The following HIPK2 variants were observed in gnomAD, a reference collection of about 807,000 sequenced individuals.
HIPK2 encodes the protein homeodomain interacting protein kinase 2, also known as homeodomain-interacting protein kinase 2.
HIPK2 carries 27 observed loss-of-function variants against 113.7 expected under a neutral mutation model. The ratio of observed to expected loss-of-function variants is 0.24; its 90% CI spans 0.17 to 0.33. The LOEUF (loss-of-function observed/expected upper bound fraction) is 0.33. Among genes scored for constraint, HIPK2 ranks in the 10% least tolerant of loss-of-function variants. The pLI, the probability that HIPK2 is intolerant of heterozygous loss-of-function variation, is 1.00. For missense variants in HIPK2, 1,257 were observed against 1,588.0 expected, an observed-to-expected ratio of 0.79 and a Z score of 3.54; for synonymous variants, 631 against 642.2, an observed-to-expected ratio of 0.98 and a Z score of 0.26.
intron 2 of HIPK2, among the ~76,000 whole-genome samples, chr7:139,705,615 G>A (rs1386442003): frequency 6.6e-6 from 1 of 152,034 alleles, no homozygotes; most frequent in African/African-American, 2.4e-5. Flanking sequence ...CTGACCTCGT[G>A]ATCCGCCCGC....
intron 13 of HIPK2, among the ~76,000 whole-genome samples, chr7:139,578,073 G>C (rs1798548325): frequency 6.6e-6 from 1 of 152,000 alleles, no homozygotes; most frequent in Non-Finnish European, 1.5e-5. Context: ...ACGGTGGCGT[G>C]ATCTCAGCTC....
intron 2 of HIPK2, among the ~76,000 whole-genome samples, chr7:139,636,000 C>T (rs565876799): frequency 1.3e-5 from 2 of 152,326 alleles, no homozygotes; most frequent in South Asian, 4.1e-4. Flanking sequence ...CCCTGTGGTT[C>T]CCACCTCTTC....
intron 2 of HIPK2, among the ~76,000 whole-genome samples, chr7:139,657,354 GT>G (rs1286972177): frequency 6.6e-6 from 1 of 152,200 alleles, no homozygotes; most frequent in Non-Finnish European, 1.5e-5. Flanking sequence ...TGATTATGCT[GT>G]TAGGGTGGCT....
intron 2 of HIPK2, among the ~76,000 whole-genome samples, chr7:139,665,525 C>G (rs1032648925): frequency 7.2e-5 from 11 of 152,160 alleles, no homozygotes; most frequent in Non-Finnish European, 1.5e-5. Context: ...ACCTGGCTCT[C>G]CTGGATAGAG....
At chr7:139,756,487 C>T (rs1796365292) in intron 1 of HIPK2, among the ~76,000 whole-genome samples, 1 of 152,166 alleles carries the variant, frequency 6.6e-6, no homozygotes, top group Non-Finnish European at 1.5e-5. Context: ...TGCAGTGGTG[C>T]AATCTTGGCT....
intron 7 of HIPK2, among the ~76,000 whole-genome samples, chr7:139,615,144 A>G (rs1799993016): frequency 6.6e-6 from 1 of 152,236 alleles, no homozygotes; most frequent in Non-Finnish European, 1.5e-5. Context: ...CTATGGTCTC[A>G]GTACCCAGAG....
intron 2 of HIPK2, among the ~76,000 whole-genome samples, chr7:139,696,264 GA>G (rs1171944059): frequency 6.6e-6 from 1 of 152,086 alleles, no homozygotes; most frequent in Non-Finnish European, 1.5e-5. Flanking sequence ...GGCAAACCAG[GA>G]ATGGGAAGAG....
chr7:139,716,623 TCTC>T lies in HIPK2; in HGVS notation c.409_411del (p.Glu137del). The T allele has an allele frequency of 6.2e-7, 1 of 1,613,996 alleles. No homozygotes were observed. Among genetic ancestry groups the T allele is most frequent in the Non-Finnish European group, 8.5e-7 (1 of 1,179,894 alleles). On this transcript the variant is annotated inframe_deletion, in exon 2 of 15. Coordinates refer to ENST00000406875, the MANE Select transcript of HIPK2 (RefSeq NM_022740.5). This position sits in a 1 kb window ranked among gnomAD's most constrained non-coding sequence, Gnocchi z 9.3. ...ATCTGCACGCTGCTTGTGTTCTCGA[TCTC>T]CTCGCTCTTACGCTTGAGTCCACAT...
chr7:139,616,300 C>T (rs1303935280), intron 7 of HIPK2, among the ~76,000 whole-genome samples: 1 of 152,200 alleles, frequency 6.6e-6, no homozygotes, highest in Non-Finnish European at 1.5e-5. Flanking sequence ...TCCCTTCCAG[C>T]CTTCTTGAGC....
intron 2 of HIPK2, among the ~76,000 whole-genome samples, chr7:139,676,340 G>A (rs547935729): frequency 1.1e-3 from 162 of 152,224 alleles, no homozygotes; most frequent in African/African-American, 3.7e-3. Context: ...GCCCTCCTGC[G>A]GGTGTCTGAG....
intron 2 of HIPK2, among the ~76,000 whole-genome samples, chr7:139,645,359 G>A (rs1801171522): frequency 6.6e-6 from 1 of 152,166 alleles, no homozygotes; most frequent in South Asian, 2.1e-4. Flanking sequence ...CCAATTAAGA[G>A]AACAGAAGCC....
intron 1 of HIPK2, among the ~76,000 whole-genome samples, chr7:139,740,050 G>A (rs913119149): frequency 2.0e-5 from 3 of 152,138 alleles, no homozygotes; most frequent in East Asian, 1.9e-4. Context: ...ACCTGGGAGT[G>A]GAACTGCCAG....
chr7:139,577,857 AT>A (rs958327787), intron 13 of HIPK2, among the ~76,000 whole-genome samples: 82 of 147,860 alleles, frequency 5.5e-4, no homozygotes, highest in African/African-American at 1.5e-3. Flanking sequence ...AACAATACTG[AT>A]TTTTTTTTTT....
chr7:139,658,143 T>C (rs1229897635), intron 2 of HIPK2, among the ~76,000 whole-genome samples: 1 of 152,100 alleles, frequency 6.6e-6, no homozygotes, highest in Non-Finnish European at 1.5e-5. Flanking sequence ...CCGTCTCTAC[T>C]AAAAATAGAA....
chr7:139,614,551 G>GCCCC, intron 7 of HIPK2, 58 bp from the exon 8 acceptor site: 958 of 823,888 alleles, frequency 1.2e-3, no homozygotes, highest in Non-Finnish European at 1.5e-3. Context: ...GAGGGAGGTG[G>GCCCC]CATGTTGGGA....
At chr7:139,763,813 C>T (rs989286413) in intron 1 of HIPK2, among the ~76,000 whole-genome samples, 3 of 152,264 alleles carry the variant, frequency 2.0e-5, no homozygotes, top group Non-Finnish European at 4.4e-5. Context: ...AAAAAAGTTG[C>T]GCTGGTCAAC....
intron 2 of HIPK2, among the ~76,000 whole-genome samples, chr7:139,657,116 C>T (rs920906935): frequency 3.3e-5 from 5 of 152,148 alleles, no homozygotes; most frequent in African/African-American, 1.2e-4. Context: ...AATGATCCTC[C>T]AGCCTTGGCC....
chr7:139,729,905 C>T (rs1795720095), intron 1 of HIPK2, among the ~76,000 whole-genome samples: 1 of 152,282 alleles, frequency 6.6e-6, no homozygotes, highest in South Asian at 2.1e-4. Context: ...AATTTTTCAG[C>T]CACTTCCTAA....
Position 139,572,894 on chromosome 7 carries a change from T to TCCCGG in HIPK2, c.*32_*33insCCGGG. 1.8e-6 allele frequency: 1 copy of TCCCGG among 554,278 alleles called. No individual in the cohort carries two copies. The highest frequency in any genetic ancestry group is 1.9e-5 in the African/African-American group (1 of 51,576). 34.3% of individuals were successfully genotyped at this position (554,278 alleles called of 1,614,324 possible). A position where few individuals can be genotyped will look rare whatever the true frequency, so the allele number is the denominator to read the frequency against. ...CTCCCTCCTCCCTCGGGCCATTCTC[T>TCCCGG]CCCTCCCTCCCTCCCTCCCTCCCCT... On this transcript the variant is annotated 3_prime_UTR_variant, in exon 15 of 15. Transcript: ENST00000406875.
Sources: gnomAD v4.1 joint callset for allele counts (sites outside exome capture counted in the v4.1 genomes callset) on GRCh38, gnomAD v4.1.1 for gene constraint, Gnocchi (gnomAD v3.1) non-coding constraint, MANE v1.5 for transcripts, NCBI Gene and HGNC (gene_info 2026-07-23, HGNC 2026-07-21) for gene names.